Variants in PPRC1 observed in about 807,000 individuals in gnomAD.
PPRC1 encodes PPARG related coactivator 1.
Under a neutral mutation model 132.5 loss-of-function variants are expected in PPRC1, and 23 were observed. The observed-to-expected ratio is 0.17, with a 90% CI of 0.12 to 0.25. PPRC1 has a LOEUF of 0.25. PPRC1 is among the 10% of genes least tolerant of loss of function. The pLI, the probability that PPRC1 is intolerant of heterozygous loss-of-function variation, is 1.00. For missense variants in PPRC1, 2,006 were observed against 2,089.1 expected (o/e 0.96, Z 0.78); for synonymous variants, 872 against 833.5 (o/e 1.05, Z -0.80).
chr10:102,131,250 C>T (rs1038170254), upstream of PPRC1, among the ~76,000 whole-genome samples: 2 of 151,722 alleles, frequency 1.3e-5, no homozygotes, highest in Non-Finnish European at 2.9e-5. Context: ...TAGTACCCAG[C>T]TACTCTGGAG....
chr10:102,125,178 C>T, the PPRC1 span, among the ~76,000 whole-genome samples: 1 of 151,582 alleles, frequency 6.6e-6, no homozygotes, highest in East Asian at 2.0e-4. Flanking sequence ...GCAACCTCTG[C>T]CTCCCCAGTT....
Position 102,136,801 on chromosome 10 carries a change from C to T in PPRC1, c.154-1049C>T, listed in dbSNP as rs779405328. 2.0e-5 allele frequency among the ~76,000 whole-genome samples: 3 copies of T among 152,284 alleles called. No homozygotes were observed. The South Asian group carries it at 6.2e-4, about 32-fold the overall frequency. Reference sequence around the variant, plus strand: ...GAGATCCCCCTGGCTCTGGCCTCACCACTACCATTCTGGTCCCTTCCGGCC... The same window carrying T: ...GAGATCCCCCTGGCTCTGGCCTCACTACTACCATTCTGGTCCCTTCCGGCC... On this transcript the variant is annotated intron_variant, in intron 1 of 13. Coordinates refer to ENST00000278070, the MANE Select transcript of PPRC1 (RefSeq NM_015062.5).
upstream of PPRC1, among the ~76,000 whole-genome samples, chr10:102,129,568 C>T (rs940213822): frequency 1.3e-5 from 2 of 152,138 alleles, no homozygotes; most frequent in African/African-American, 2.4e-5. Flanking sequence ...AGCCTTATCA[C>T]CATAAACCAG....
At position 102,139,919 on chromosome 10, in the gene PPRC1, T is replaced by A. The variant is rs141549106; in HGVS notation, c.1411T>A (p.Cys471Ser). 1.4e-4 allele frequency: 227 copies of A among 1,614,214 alleles called. 2 individuals carry two copies. In the African/African-American group the frequency reaches 2.5e-3, roughly 18 times the overall value. Residue 471 changes from cysteine to serine, a missense_variant, in exon 5 of 14, where the codon TGT becomes AGT. By Grantham distance (112) the Cys-to-Ser change is moderately radical. Transcript: ENST00000278070. ...GAAGAGCAAGGAGCAGCCAGCAGCC[T>A]GTGTGGAAGGCTATGCCAGGAGGCT... The part of the protein sequence containing the change: ...KKKSKEQPAA[C>S]VEGYARRLRS...
intron 7 of PPRC1, chr10:102,144,774 G>A: frequency 1.9e-6 from 1 of 534,672 alleles, no homozygotes; most frequent in Non-Finnish European, 3.3e-6. Flanking sequence ...GAGACTCGAT[G>A]TGAAGGAGGT....
At position 102,150,021 on chromosome 10, in the gene PPRC1, A is replaced by G. The variant is rs752715978; in HGVS notation, c.4987A>G (p.Arg1663Gly). The G allele has an allele frequency of 6.2e-7, 1 of 1,609,924 alleles. No individual in the cohort carries two copies. The highest frequency in any genetic ancestry group is 1.7e-5 in the Admixed American group (1 of 59,992). Residue 1663 changes from arginine (R) to glycine (G), a missense_variant, in exon 14 of 14, where the codon AGG becomes GGG. Arg to Gly is a moderately radical substitution (Grantham distance 125). This residue lies in a region of PPRC1 where 92 missense variants were observed against 171.9 expected (regional missense o/e 0.54). Transcript: ENST00000278070. ...GTTGAAACAGGCCCAGAAGAACCTC[A>G]GGAGGTAACCTTGGGCCCTTCCCTG... ...TLLKQAQKNL[R>G]R is the part of the protein sequence containing the mutation.
At position 102,147,310 on chromosome 10, in the gene PPRC1, G is replaced by C. The variant is rs757372434; in HGVS notation, c.4318G>C (p.Ala1440Pro). ...VSSGSNRTSE[A>P]SSSSSSSSSS... ...CTCTGGGTCCAACCGGACTAGCGAA[G>C]CATCTTCCTCATCCTCATCATCGTC... Residue 1440 changes from alanine (A) to proline (P), a missense_variant, in exon 9 of 14, where the codon GCA becomes CCA. Physicochemically the swap from Ala to Pro is conservative, Grantham distance 27. Around this residue, in one of 2 missense-constraint regions of PPRC1, gnomAD observed 1,914 missense variants for 1,917.2 expected, o/e 1.00. Coordinates refer to ENST00000278070, the MANE Select transcript of PPRC1 (RefSeq NM_015062.5). 7 of 1,612,488 alleles carry C rather than the reference G, an allele frequency of 4.3e-6. No homozygotes were observed. The African/African-American group carries it at 6.7e-5, about 15-fold the overall frequency.
At chr10:102,120,616 C>A in the PPRC1 span, among the ~76,000 whole-genome samples, 1 of 151,772 alleles carries the variant, frequency 6.6e-6, no homozygotes, top group African/African-American at 2.4e-5. Flanking sequence ...GCGCGGCGGG[C>A]GGGCGGCGAG....
chr10:102,135,944 G>A (rs1355599806), intron 1 of PPRC1, among the ~76,000 whole-genome samples: 2 of 152,196 alleles, frequency 1.3e-5, no homozygotes, highest in African/African-American at 2.4e-5. Context: ...TGGGAATTGA[G>A]TGATGGGTGA....
In PPRC1 at chr10:102,146,626, G is replaced by A. The variant is rs113148138; in HGVS notation, c.3680-46G>A. 1.5e-5 allele frequency: 23 copies of A among 1,553,886 alleles called. No individual in the cohort carries two copies. The African/African-American group carries it at 2.5e-4, about 17-fold the overall frequency. The stretch of plus-strand genomic sequence containing the variant: ...TATATACACGGTATTTGGAAGCGTA[G>A]AATCGGATCTCATCCTGCTATCTCC... On this transcript the variant is annotated intron_variant, in intron 8 of 13. Transcript: ENST00000278070.
intron 1 of PPRC1, among the ~76,000 whole-genome samples, chr10:102,134,231 G>T (rs989378666): frequency 5.9e-5 from 9 of 152,138 alleles, no homozygotes; most frequent in African/African-American, 2.2e-4. Context: ...GGGAAGGCAT[G>T]CTCCTGTAAT....
In PPRC1 at chr10:102,147,219, C is replaced by T. The variant is rs1212859886; in HGVS notation, c.4227C>T (p.Cys1409=). ...QRSMRCYRKA[C]RSASPSSQGW... Reference sequence around the variant, plus strand: ...CAATGCGCTGTTACCGAAAAGCCTGCAGGTCAGCCAGCCCCTCAAGCCAGG... The same window carrying T: ...CAATGCGCTGTTACCGAAAAGCCTGTAGGTCAGCCAGCCCCTCAAGCCAGG... Residue 1409 remains cysteine (C), a synonymous_variant, in exon 9 of 14, where the codon TGC becomes TGT. Coordinates refer to ENST00000278070, the MANE Select transcript of PPRC1 (RefSeq NM_015062.5). 2.0e-5 allele frequency: 33 copies of T among 1,613,266 alleles called. No homozygotes were observed. Among genetic ancestry groups the T allele is most frequent in the Non-Finnish European group, 2.5e-5 (30 of 1,180,046 alleles).
In PPRC1 at chr10:102,147,217, T is replaced by C. The variant is rs775990839; in HGVS notation, c.4225T>C (p.Cys1409Arg). 4.8e-5 allele frequency: 77 copies of C among 1,613,358 alleles called. No individual in the cohort carries two copies. Among genetic ancestry groups the C allele is most frequent in the Non-Finnish European group, 3.7e-5 (44 of 1,180,038 alleles). Residue 1409 changes from cysteine to arginine, a missense_variant, in exon 9 of 14, where the codon TGC (cysteine) becomes CGC (arginine). Coordinates refer to ENST00000278070, the MANE Select transcript of PPRC1 (RefSeq NM_015062.5). ...GTCAATGCGCTGTTACCGAAAAGCC[T>C]GCAGGTCAGCCAGCCCCTCAAGCCA... Reference protein sequence around the residue: ...QRSMRCYRKACRSASPSSQGW... With the variant: ...QRSMRCYRKARRSASPSSQGW...
intron 7 of PPRC1, 158 bp downstream of exon 7, chr10:102,144,465 G>A (rs565318980): frequency 2.9e-6 from 2 of 692,048 alleles, no homozygotes; most frequent in African/African-American, 1.8e-5. Flanking sequence ...TATCACTACC[G>A]GGCAGTGTCT....
intron 7 of PPRC1, 62 bp from the exon 8 acceptor site, chr10:102,144,958 G>T: frequency 1.6e-5 from 21 of 1,284,172 alleles, no homozygotes; most frequent in South Asian, 2.6e-5. Context: ...TTCTGAGAAA[G>T]GCAAATGTAT....
Position 102,139,368 on chromosome 10 carries a change from C to T in PPRC1, c.860C>T (p.Ala287Val). 6.2e-7 allele frequency: 1 copy of T among 1,614,224 alleles called. No homozygotes were observed. The highest frequency in any genetic ancestry group is 8.5e-7 in the Non-Finnish European group (1 of 1,180,044). Reference protein sequence around the residue: ...HLACPEEEDKATAAEMAVPAA... With the variant: ...HLACPEEEDKVTAAEMAVPAA... Reference sequence around the variant, plus strand: ...GCCTGCCCTGAGGAGGAAGATAAAGCAACAGCAGCAGAGATGGCAGTGCCA... The same window carrying T: ...GCCTGCCCTGAGGAGGAAGATAAAGTAACAGCAGCAGAGATGGCAGTGCCA... Residue 287 changes from alanine to valine, a missense_variant, in exon 5 of 14, where the codon GCA becomes GTA. Ala to Val is a moderately conservative substitution (Grantham distance 64, BLOSUM62 0). Coordinates refer to ENST00000278070, the MANE Select transcript of PPRC1 (RefSeq NM_015062.5).
chr10:102,120,199 C>T, the PPRC1 span: 4 of 1,052,260 alleles, frequency 3.8e-6, no homozygotes, highest in South Asian at 1.8e-4. Flanking sequence ...CGCCGCCGCC[C>T]GCGGCCCCCG....
chr10:102,138,728 A>T lies in PPRC1; in HGVS notation c.452A>T (p.Asp151Val). 1 of 1,614,182 alleles carries T rather than the reference A, an allele frequency of 6.2e-7. No individual in the cohort carries two copies. The highest frequency in any genetic ancestry group is 8.5e-7 in the Non-Finnish European group (1 of 1,180,028). ...ENLSPFDSIP[D>V]SELLVSPREG... ...CTTTCTCCATTTGACAGCATTCCTG[A>T]TTCGGAGCTGCTTGTGTCACCCCGG... The change falls in exon 3 of 14, where the codon GAT becomes GTT. Residue 151 changes from aspartate (D) to valine (V), a missense_variant. Asp to Val is a radical substitution (Grantham distance 152, BLOSUM62 -3). Coordinates refer to ENST00000278070, the MANE Select transcript of PPRC1 (RefSeq NM_015062.5).
At chr10:102,132,506 G>T (rs1005814880), upstream of PPRC1, among the ~76,000 whole-genome samples, 1 of 152,256 alleles carries the variant, frequency 6.6e-6, no homozygotes, top group Non-Finnish European at 1.5e-5. Flanking sequence ...ATTTGATAGA[G>T]AAGGCAACGT....
Sources: allele counts gnomAD v4.1 joint callset (sites outside exome capture counted in the v4.1 genomes callset), GRCh38; gene constraint gnomAD v4.1.1; regional missense constraint gnomAD v4.1.1; transcripts MANE v1.5; gene names NCBI Gene and HGNC (gene_info 2026-07-23, HGNC 2026-07-21).